Variants in ADAM12 observed in about 807,000 individuals in gnomAD.
The protein encoded by ADAM12 is ADAM metallopeptidase domain 12, also known as disintegrin and metalloproteinase domain-containing protein 12.
In ADAM12, 70 loss-of-function variants were observed where a neutral mutation model predicts 106.4. That is an observed-to-expected ratio of 0.66 (90% CI 0.54 to 0.80). ADAM12 has a LOEUF of 0.80. ADAM12 is among the 30% of genes least tolerant of loss of function. The pLI is 0.00. For synonymous variants in ADAM12, 420 were observed against 433.5 expected (o/e 0.97, Z 0.39); for missense variants, 1,010 against 1,171.9 (o/e 0.86, Z 2.02).
intron 2 of ADAM12, among the ~76,000 whole-genome samples, chr10:126,301,171 C>A (rs765169708): frequency 4.4e-4 from 67 of 152,144 alleles, no homozygotes; most frequent in Admixed American, 3.1e-3. Flanking sequence ...CACAGAATAA[C>A]CCAGTCCAAA....
rs1854083602 is a variant in ADAM12 at position 126,321,218 on chromosome 10, T to C, written c.186+9194A>G. Among the ~76,000 whole-genome samples the C allele has an allele frequency of 2.0e-5, 3 of 152,210 alleles. No homozygotes were observed. In the South Asian group the frequency reaches 6.2e-4, roughly 31 times the overall value. Reference sequence around the variant, plus strand: ...AAAGCATTACTCAGGATTACAAAAATATATTTTACAATTTCTGTCTCAAGA... The same window carrying C: ...AAAGCATTACTCAGGATTACAAAAACATATTTTACAATTTCTGTCTCAAGA... On this transcript the variant is annotated intron_variant, in intron 2 of 22. Coordinates refer to ENST00000448723, the MANE Select transcript of ADAM12 (RefSeq NM_001288973.2).
At chr10:126,313,166 G>C (rs1207417740) in intron 2 of ADAM12, among the ~76,000 whole-genome samples, 2 of 152,200 alleles carry the variant, frequency 1.3e-5, no homozygotes, top group African/African-American at 4.8e-5. Flanking sequence ...ACCCTAGTAT[G>C]CCTGGCAAGT....
chr10:126,028,243 C>T lies in ADAM12; in HGVS notation c.2529+7903G>A, dbSNP rs116045384. ...TAGAAAGAAGCAATATGAAAATGGC[C>T]ATACTGCCCAAATAGAATCAATGCT... On this transcript the variant is annotated intron_variant, in intron 21 of 22. Transcript: ENST00000448723. 7.7e-3 allele frequency among the ~76,000 whole-genome samples: 1,165 copies of T among 152,218 alleles called. 13 individuals are homozygous for T. The highest frequency in any genetic ancestry group is 0.026 in the African/African-American group (1,099 of 41,534).
chr10:126,291,627 C>G (rs938582967), intron 2 of ADAM12, among the ~76,000 whole-genome samples: 2 of 152,162 alleles, frequency 1.3e-5, no homozygotes, highest in East Asian at 3.9e-4. Flanking sequence ...AGAGCCTCAG[C>G]ATCAGGAGGG....
At chr10:126,317,412 T>C (rs924376706) in intron 2 of ADAM12, among the ~76,000 whole-genome samples, 1 of 152,194 alleles carries the variant, frequency 6.6e-6, no homozygotes, top group African/African-American at 2.4e-5. Flanking sequence ...AAGAAGACCC[T>C]TAGTACCTCT....
At position 126,049,150 on chromosome 10, in the gene ADAM12, GA is replaced by G; in HGVS notation, c.1917+102del. On this transcript the variant is annotated intron_variant, in intron 16 of 22. Transcript: ENST00000448723. The surrounding 1 kb of genome is among the most constrained non-coding windows in gnomAD (Gnocchi z 4.4). ...TTCTAGGTGCATCTGAGAAGAAGTA[GA>G]TTTAGGAAAACCAACAAACCTTGTA... 6.9e-7 allele frequency: 1 copy of G among 1,451,998 alleles called. No homozygotes were observed. The highest frequency in any genetic ancestry group is 9.5e-7 in the Non-Finnish European group (1 of 1,052,228). The allele number at this position is 1,451,998 out of a possible 1,614,324, so 89.9% of individuals were successfully genotyped here. A position where few individuals can be genotyped will look rare whatever the true frequency, so the allele number is the denominator to read the frequency against.
At chr10:126,148,299 TG>T (rs2133706605) in intron 4 of ADAM12, among the ~76,000 whole-genome samples, 1 of 152,356 alleles carries the variant, frequency 6.6e-6, no homozygotes, top group South Asian at 2.1e-4. Context: ...GAAAATTCCC[TG>T]TGTGCTGACT....
intron 3 of ADAM12, among the ~76,000 whole-genome samples, chr10:126,268,139 G>A (rs11244926): frequency 0.042 from 6,341 of 152,060 alleles, 178 homozygotes; most frequent in African/African-American, 0.069. Flanking sequence ...TCCAGGCCCC[G>A]GTAACCACCA....
chr10:126,347,653 T>C (rs889685297), intron 1 of ADAM12, among the ~76,000 whole-genome samples: 1 of 152,232 alleles, frequency 6.6e-6, no homozygotes, highest in Non-Finnish European at 1.5e-5. Flanking sequence ...TTCTTTGTTG[T>C]TTCAATGTGC....
intron 2 of ADAM12, among the ~76,000 whole-genome samples, chr10:126,295,674 C>A (rs1960342942): frequency 6.6e-6 from 1 of 152,070 alleles, no homozygotes; most frequent in African/African-American, 2.4e-5. Flanking sequence ...TAAATGTCTT[C>A]TCAATAACTC....
At chr10:126,204,846 C>A (rs938509186) in intron 3 of ADAM12, among the ~76,000 whole-genome samples, 4 of 152,140 alleles carry the variant, frequency 2.6e-5, no homozygotes, top group African/African-American at 9.7e-5. Flanking sequence ...TTCCAGGCCT[C>A]ACAGTCTTTG....
chr10:126,200,467 G>GA (rs1043985199), intron 3 of ADAM12, among the ~76,000 whole-genome samples: 1 of 152,160 alleles, frequency 6.6e-6, no homozygotes, highest in Admixed American at 6.5e-5. Flanking sequence ...TTTGGAGTCA[G>GA]AAAAATCAGC....
Position 126,099,890 on chromosome 10 carries a change from A to C in ADAM12, c.911+1182T>G, listed in dbSNP as rs550121401. Among the ~76,000 whole-genome samples the C allele has an allele frequency of 2.6e-5, 4 of 152,394 alleles. No individual in the cohort carries two copies. The East Asian group carries it at 7.7e-4, about 29-fold the overall frequency. ...TCTGTGCTATAAGCCACATGACAAC[A>C]AAAGAATAATAGCACAAAGTATTTA... is the stretch of plus-strand genomic sequence containing the variant. On this transcript the variant is annotated intron_variant, in intron 9 of 22. Coordinates refer to ENST00000448723, the MANE Select transcript of ADAM12 (RefSeq NM_001288973.2).
In ADAM12 at chr10:126,053,288, G is replaced by A. The variant is rs1178493669; in HGVS notation, c.1610-3619C>T. 1.3e-5 allele frequency among the ~76,000 whole-genome samples: 2 copies of A among 152,108 alleles called. No individual in the cohort carries two copies. The highest frequency in any genetic ancestry group is 4.8e-5 in the African/African-American group (2 of 41,430). On this transcript the variant is annotated intron_variant, in intron 14 of 22. Coordinates refer to ENST00000448723, the MANE Select transcript of ADAM12 (RefSeq NM_001288973.2). The surrounding 1 kb of genome is among the most constrained non-coding windows in gnomAD (Gnocchi z 4.6). ...TTTCTTTATAAATTACCCAGTCTCAGGTATTTATTTATTTATAGCAGTGTG... is the reference window on the plus strand; with the variant it reads ...TTTCTTTATAAATTACCCAGTCTCAAGTATTTATTTATTTATAGCAGTGTG...
chr10:126,349,908 G>A (rs915668470), intron 1 of ADAM12, among the ~76,000 whole-genome samples: 4 of 152,124 alleles, frequency 2.6e-5, no homozygotes, highest in African/African-American at 9.7e-5. Flanking sequence ...TCAGGTATGG[G>A]TTTTCTCCAG....
intron 3 of ADAM12, among the ~76,000 whole-genome samples, chr10:126,209,101 C>T (rs566664687): frequency 1.1e-4 from 16 of 152,282 alleles, no homozygotes; most frequent in African/African-American, 3.6e-4. Flanking sequence ...AAGAAGAACG[C>T]TGTCAATTCA....
intron 1 of ADAM12, among the ~76,000 whole-genome samples, chr10:126,344,312 T>C (rs534280139): frequency 6.6e-6 from 1 of 152,244 alleles, no homozygotes; most frequent in Non-Finnish European, 1.5e-5. Context: ...TTGTCAGGTT[T>C]GTCAAAGATC....
intron 3 of ADAM12, among the ~76,000 whole-genome samples, chr10:126,157,959 C>T (rs1956849751): frequency 6.6e-6 from 1 of 152,146 alleles, no homozygotes; most frequent in East Asian, 1.9e-4. Context: ...GTAGAGAGCT[C>T]CAGGATGGTG....
intron 14 of ADAM12, among the ~76,000 whole-genome samples, chr10:126,059,973 G>A (rs549725504): frequency 2.1e-5 from 3 of 140,962 alleles, no homozygotes; most frequent in South Asian, 2.5e-4. Context: ...AGAGCTAAAC[G>A]CCAACCACAC....
Sources: allele counts gnomAD v4.1 joint callset (sites outside exome capture counted in the v4.1 genomes callset), GRCh38; gene constraint gnomAD v4.1.1; non-coding constraint Gnocchi (gnomAD v3.1); transcripts MANE v1.5; gene names NCBI Gene and HGNC (gene_info 2026-07-23, HGNC 2026-07-21).